Variants in RLF observed in about 807,000 individuals in gnomAD.
The protein encoded by RLF is RLF zinc finger.
In RLF, 7 loss-of-function variants were observed where a neutral mutation model predicts 162.9. The observed-to-expected ratio is 0.04, with a 90% CI of 0.02 to 0.08. RLF has a LOEUF of 0.08. Ranked by LOEUF, RLF falls within the 10% of genes least tolerant of loss-of-function variation. The pLI, the probability that RLF is intolerant of heterozygous loss-of-function variation, is 1.00. For synonymous variants in RLF, 782 were observed against 791.5 expected, an observed-to-expected ratio of 0.99 and a Z score of 0.20; for missense variants, 1,664 against 2,244.7, an observed-to-expected ratio of 0.74 and a Z score of 5.23.
intron 1 of RLF, among the ~76,000 whole-genome samples, chr1:40,173,311 G>A (rs1032714338): frequency 1.3e-5 from 2 of 151,804 alleles, no homozygotes; most frequent in African/African-American, 4.8e-5. Flanking sequence ...CCTGACCTCA[G>A]GTGATCCTCC....
At chr1:40,183,310 C>T (rs1359222911) in intron 1 of RLF, among the ~76,000 whole-genome samples, 1 of 152,038 alleles carries the variant, frequency 6.6e-6, no homozygotes, top group Non-Finnish European at 1.5e-5. Context: ...TAATCCAAAC[C>T]CCTCTCTATT....
intron 1 of RLF, among the ~76,000 whole-genome samples, chr1:40,183,276 T>C (rs1280526553): frequency 6.6e-6 from 1 of 152,230 alleles, no homozygotes; most frequent in African/African-American, 2.4e-5. Flanking sequence ...TAAAAGTTTC[T>C]TGCTTTATGT....
At chr1:40,196,392 G>C (rs1396905382) in intron 4 of RLF, among the ~76,000 whole-genome samples, 1 of 151,596 alleles carries the variant, frequency 6.6e-6, no homozygotes, top group East Asian at 1.9e-4. Flanking sequence ...TTTTTTATTG[G>C]CTGCAACAAC....
At chr1:40,178,731 C>T (rs967239214) in intron 1 of RLF, among the ~76,000 whole-genome samples, 1 of 149,862 alleles carries the variant, frequency 6.7e-6, no homozygotes, top group Non-Finnish European at 1.5e-5. Flanking sequence ...TATAGTTAGC[C>T]CAGGCTGGTC....
rs1642093830 is a variant in RLF, at chr1:40,161,984, T to G, written c.237+348T>G. Among the ~76,000 whole-genome samples the G allele has an allele frequency of 6.6e-6, 1 of 152,202 alleles. No individual in the cohort carries two copies. The highest frequency in any genetic ancestry group is 2.4e-5 in the African/African-American group (1 of 41,446). ...TTGATTGCTTGTCCCTGCCGGGAGA[T>G]CCTTTTTTGAGTGGAGTGCAGATCT... On this transcript the variant is annotated intron_variant, in intron 1 of 7. Coordinates refer to ENST00000372771, the MANE Select transcript of RLF (RefSeq NM_012421.4). The surrounding 1 kb of genome is among the most constrained non-coding windows in gnomAD (Gnocchi z 4.4).
At chr1:40,198,678 T>C (rs1418396962) in intron 4 of RLF, among the ~76,000 whole-genome samples, 1 of 152,196 alleles carries the variant, frequency 6.6e-6, no homozygotes, top group African/African-American at 2.4e-5. Flanking sequence ...AGTGTCATGA[T>C]GTCTGCACCT....
intron 1 of RLF, among the ~76,000 whole-genome samples, chr1:40,166,471 A>C (rs1050339999): frequency 6.6e-6 from 1 of 152,102 alleles, no homozygotes; most frequent in Non-Finnish European, 1.5e-5. Context: ...AGAAATATAG[A>C]AATACCATTT....
chr1:40,237,020 G>A lies in RLF; in HGVS notation c.2318G>A (p.Cys773Tyr). 6.2e-7 allele frequency: 1 copy of A among 1,614,148 alleles called. No individual in the cohort carries two copies. Among genetic ancestry groups the A allele is most frequent in the Non-Finnish European group, 8.5e-7 (1 of 1,180,004 alleles). Residue 773 changes from cysteine (C) to tyrosine (Y), a missense_variant, in exon 8 of 8, where the codon TGT (cysteine) becomes TAT (tyrosine). By Grantham distance (194) the Cys-to-Tyr change is radical. Transcript: ENST00000372771. This position sits in a 1 kb window ranked among gnomAD's most constrained non-coding sequence, Gnocchi z 4.4. ...AAGCATGACGATCTGCGTTACAAAT[G>A]TGAATTAAATGGCTGTAATATTGTT... ...KQKHDDLRYK[C>Y]ELNGCNIVFS...
At chr1:40,165,903 C>T (rs1032149451) in intron 1 of RLF, among the ~76,000 whole-genome samples, 87 of 152,270 alleles carry the variant, frequency 5.7e-4, no homozygotes, top group African/African-American at 2.0e-3. Context: ...GGTTTGATCC[C>T]ACCTTCACCA....
At chr1:40,163,292 G>T (rs2124520986) in intron 1 of RLF, among the ~76,000 whole-genome samples, 1 of 152,260 alleles carries the variant, frequency 6.6e-6, no homozygotes, top group Admixed American at 6.5e-5. Context: ...TAAGGACCCA[G>T]AATGCTATGG....
chr1:40,183,024 A>C (rs556198623), intron 1 of RLF, among the ~76,000 whole-genome samples: 3 of 152,162 alleles, frequency 2.0e-5, no homozygotes, highest in East Asian at 1.9e-4. Flanking sequence ...GTGCTTCCTC[A>C]TGCTGACATT....
At chr1:40,225,074 G>A (rs751979096) in intron 6 of RLF, among the ~76,000 whole-genome samples, 11 of 151,944 alleles carry the variant, frequency 7.2e-5, no homozygotes, top group Admixed American at 3.3e-4. Flanking sequence ...TGAGGTAGTG[G>A]GACATAAGGA....
rs375619031 is a variant in RLF, at chr1:40,236,007, A to G, written c.1305A>G (p.Gln435=). The change falls in exon 8 of 8, where the codon CAA becomes CAG. Residue 435 remains glutamine (Q), a synonymous_variant. Transcript: ENST00000372771. The surrounding 1 kb of genome is among the most constrained non-coding windows in gnomAD (Gnocchi z 7.7). ...ATATGTTAGAAGAACTATATTTGCA[A>G]CCAGATCAAAAATTTGATGAAGAAA... The part of the protein sequence containing the change: ...GFNMLEELYL[Q]PDQKFDEENA... 5.5e-5 allele frequency: 89 copies of G among 1,613,106 alleles called. No homozygotes were observed. Among genetic ancestry groups the G allele is most frequent in the Non-Finnish European group, 7.2e-5 (85 of 1,179,776 alleles).
chr1:40,206,892 A>G (rs1321269820), intron 5 of RLF, among the ~76,000 whole-genome samples: 1 of 152,204 alleles, frequency 6.6e-6, no homozygotes, highest in African/African-American at 2.4e-5. Context: ...TGTCTGTTCA[A>G]TATTACCATA....
chr1:40,226,958 G>A (rs192812383), intron 6 of RLF, among the ~76,000 whole-genome samples: 14 of 152,176 alleles, frequency 9.2e-5, no homozygotes, highest in South Asian at 4.1e-4. Context: ...TCTGCCTCCC[G>A]GGTTCAAGTG....
At chr1:40,183,781 C>G (rs538233887) in intron 1 of RLF, among the ~76,000 whole-genome samples, 1 of 151,974 alleles carries the variant, frequency 6.6e-6, no homozygotes, top group South Asian at 2.1e-4. Context: ...TTGACAGTGG[C>G]TCCTCATTTT....
In RLF at chr1:40,201,049, CACACCTCACACACACACACA is replaced by C. The variant is rs1642709693; in HGVS notation, c.608-1362_608-1343del. 1.3e-3 allele frequency among the ~76,000 whole-genome samples: 26 copies of C among 20,342 alleles called. 1 individual carries two copies. Among genetic ancestry groups the C allele is most frequent in the Non-Finnish European group, 3.9e-3 (21 of 5,384 alleles). 13.3% of individuals were successfully genotyped at this position (20,342 alleles called of 152,430 possible). ...CACACACAAACACACACACCCCCCCCACACCTCACACACACACACACCCCCCCCCCCCCCCCCGCAACCTG... is the reference window on the plus strand; with the variant it reads ...CACACACAAACACACACACCCCCCCCCCCCCCCCCCCCCCCCCGCAACCTG... On this transcript the variant is annotated intron_variant, in intron 4 of 7. Coordinates refer to ENST00000372771, the MANE Select transcript of RLF (RefSeq NM_012421.4).
At chr1:40,220,636 G>A (rs1642979647) in intron 5 of RLF, among the ~76,000 whole-genome samples, 1 of 152,132 alleles carries the variant, frequency 6.6e-6, no homozygotes, top group Non-Finnish European at 1.5e-5. Flanking sequence ...AAATTAGATT[G>A]GCTTGCATCT....
intron 6 of RLF, among the ~76,000 whole-genome samples, chr1:40,229,614 C>T (rs530170570): frequency 5.5e-4 from 83 of 151,656 alleles, no homozygotes; most frequent in African/African-American, 1.9e-3. Context: ...ACCACCACAC[C>T]CAGCTAATTT....
Sources: allele counts gnomAD v4.1 joint callset (sites outside exome capture counted in the v4.1 genomes callset), GRCh38; gene constraint gnomAD v4.1.1; non-coding constraint Gnocchi (gnomAD v3.1); transcripts MANE v1.5; gene names NCBI Gene and HGNC (gene_info 2026-07-23, HGNC 2026-07-21).